Variants in SASH1 observed in about 807,000 individuals in gnomAD.
The protein encoded by SASH1 is SAM and SH3 domain-containing protein 1.
SASH1 carries 44 observed loss-of-function variants against 125.2 expected under a neutral mutation model. The ratio of observed to expected loss-of-function variants is 0.35; its 90% CI spans 0.28 to 0.45. The LOEUF is 0.45. Among genes scored for constraint, SASH1 ranks in the 20% least tolerant of loss-of-function variants. SASH1 has a pLI of 1.00. For missense variants in SASH1, 1,426 were observed against 1,614.5 expected, an observed-to-expected ratio of 0.88 and a Z score of 2.00; for synonymous variants, 639 against 649.1, an observed-to-expected ratio of 0.98 and a Z score of 0.24.
intron 4 of SASH1, among the ~76,000 whole-genome samples, chr6:148,458,600 A>G (rs532782685): frequency 1.3e-4 from 20 of 152,308 alleles, no homozygotes; most frequent in African/African-American, 4.8e-4. Flanking sequence ...TACCAAGCAA[A>G]CAATAAATCA....
chr6:148,312,054 T>C (rs1744614159), intron 1 of SASH1, among the ~76,000 whole-genome samples: 2 of 152,188 alleles, frequency 1.3e-5, no homozygotes, highest in African/African-American at 4.8e-5. Flanking sequence ...AGCTGCATAC[T>C]GTATGATTCC....
intron 1 of SASH1, among the ~76,000 whole-genome samples, chr6:148,304,899 C>T (rs879256986): frequency 4.6e-5 from 7 of 151,950 alleles, no homozygotes; most frequent in Admixed American, 1.3e-4. Context: ...GTGGTGATGG[C>T]GGGTGCCTGT....
intron 5 of SASH1, among the ~76,000 whole-genome samples, chr6:148,470,336 C>T (rs568600931): frequency 1.6e-4 from 24 of 152,266 alleles, no homozygotes; most frequent in African/African-American, 5.8e-4. Flanking sequence ...ACATGGTTCC[C>T]ACACGTCTGC....
At chr6:148,231,441 A>T in the SASH1 span, among the ~76,000 whole-genome samples, 1 of 152,214 alleles carries the variant, frequency 6.6e-6, no homozygotes, top group Admixed American at 6.5e-5. Context: ...CATTTTCAAG[A>T]TGGTTTTTCC....
chr6:148,429,385 TAAAAAAAAA>T (rs61460366), intron 2 of SASH1, among the ~76,000 whole-genome samples: 3 of 73,938 alleles, frequency 4.1e-5, no homozygotes, highest in African/African-American at 5.3e-5. Context: ...CCCTGTCTCT[TAAAAAAAAA>T]AAAAAAAAAA....
intron 2 of SASH1, among the ~76,000 whole-genome samples, chr6:148,392,102 C>T (rs1166989109): frequency 3.3e-5 from 5 of 152,002 alleles, no homozygotes; most frequent in Non-Finnish European, 4.4e-5. Flanking sequence ...CTGACCAACA[C>T]GGAGAAACCC....
upstream of SASH1, among the ~76,000 whole-genome samples, chr6:148,271,472 T>C (rs1423051556): frequency 6.6e-6 from 1 of 152,254 alleles, no homozygotes; most frequent in Non-Finnish European, 1.5e-5. Flanking sequence ...CTAAACTTAC[T>C]TGTGTAGGGA....
chr6:148,196,627 A>G, the SASH1 span, among the ~76,000 whole-genome samples: 1 of 152,346 alleles, frequency 6.6e-6, no homozygotes, highest in Middle Eastern at 3.4e-3. Flanking sequence ...CCCAGCCTCT[A>G]TGACTAAATC....
the SASH1 span, among the ~76,000 whole-genome samples, chr6:148,255,327 G>GT: frequency 6.6e-6 from 1 of 152,112 alleles, no homozygotes; most frequent in Admixed American, 6.6e-5. Context: ...CCTTTTCTCT[G>GT]TATGCACACA....
intron 1 of SASH1, among the ~76,000 whole-genome samples, chr6:148,280,811 A>G (rs540137817): frequency 1.3e-5 from 2 of 152,308 alleles, no homozygotes; most frequent in South Asian, 4.1e-4. Flanking sequence ...TTGTCTCACA[A>G]CAACAACAAC....
At chr6:148,371,583 C>G (rs1782707574) in intron 1 of SASH1, among the ~76,000 whole-genome samples, 1 of 152,088 alleles carries the variant, frequency 6.6e-6, no homozygotes, top group African/African-American at 2.4e-5. Context: ...GTTGGCTCTT[C>G]TGCAGTTTAG....
At chr6:148,390,513 G>A (rs371773477) in intron 2 of SASH1, among the ~76,000 whole-genome samples, 2 of 152,220 alleles carry the variant, frequency 1.3e-5, no homozygotes, top group Non-Finnish European at 2.9e-5. Flanking sequence ...TTGGCCGGGC[G>A]CTGTGGCTCA....
the SASH1 span, among the ~76,000 whole-genome samples, chr6:148,233,052 C>T: frequency 6.6e-6 from 1 of 151,906 alleles, no homozygotes; most frequent in Admixed American, 6.6e-5. Flanking sequence ...CCCGTCTCTA[C>T]TAAAAATACA....
chr6:148,416,711 C>G (rs1158325934), intron 2 of SASH1, among the ~76,000 whole-genome samples: 1 of 152,162 alleles, frequency 6.6e-6, no homozygotes, highest in Non-Finnish European at 1.5e-5. Flanking sequence ...CGTTGGATTG[C>G]AACAGAAACA....
chr6:148,241,399 G>A, the SASH1 span, among the ~76,000 whole-genome samples: 1 of 152,182 alleles, frequency 6.6e-6, no homozygotes. Context: ...AAGTGCTGAA[G>A]TCATACATTT....
chr6:148,393,718 G>A (rs936260705), intron 2 of SASH1: 2 of 985,260 alleles, frequency 2.0e-6, no homozygotes, highest in Non-Finnish European at 2.4e-6. Context: ...AGTCTGGGGG[G>A]AGAAAACACC....
the SASH1 span, among the ~76,000 whole-genome samples, chr6:148,206,841 A>G: frequency 2.7e-5 from 4 of 150,006 alleles, no homozygotes; most frequent in Non-Finnish European, 5.9e-5. Flanking sequence ...AAATTAACAT[A>G]AATACATTAT....
chr6:148,455,179 G>C (rs1777276486), intron 4 of SASH1, among the ~76,000 whole-genome samples: 1 of 152,194 alleles, frequency 6.6e-6, no homozygotes, highest in African/African-American at 2.4e-5. Context: ...GAGCTTGTTG[G>C]AGAGACAGAT....
rs750296451 is a variant in SASH1, at chr6:148,543,877, G to C, written c.2407G>C (p.Gly803Arg). The C allele has an allele frequency of 6.2e-7, 1 of 1,614,178 alleles. No individual in the cohort carries two copies. The highest frequency in any genetic ancestry group is 2.2e-5 in the East Asian group (1 of 44,886). The change falls in exon 18 of 20, where the codon GGT becomes CGT. Residue 803 changes from glycine to arginine, a missense_variant. By Grantham distance (125) the Gly-to-Arg change is moderately radical. This residue lies in a region of SASH1 where 634 missense variants were observed against 694.4 expected (regional missense o/e 0.91). Transcript: ENST00000367467. ...PDTSKSCDPPGVTGLNKNRRS... is the reference protein window; with the variant it reads ...PDTSKSCDPPRVTGLNKNRRS... ...CACGTCCAAGAGCTGTGACCCACCT[G>C]GTGTGACTGGTTTGAATAAAAACCG... is the stretch of plus-strand genomic sequence containing the variant.
Sources: allele counts gnomAD v4.1 joint callset (sites outside exome capture counted in the v4.1 genomes callset), GRCh38; gene constraint gnomAD v4.1.1; regional missense constraint gnomAD v4.1.1; transcripts MANE v1.5; gene names NCBI Gene and HGNC (gene_info 2026-07-23, HGNC 2026-07-21).